SLC8A1: variants seen among roughly 807,000 people sequenced by gnomAD.
The protein encoded by SLC8A1 is sodium/calcium exchanger 1.
Under a neutral mutation model 68.3 loss-of-function variants are expected in SLC8A1, and 18 were observed. That is an observed-to-expected ratio of 0.26 (90% CI 0.18 to 0.39). The LOEUF (loss-of-function observed/expected upper bound fraction) is 0.39, where lower values mean the gene tolerates loss of function less well. Ranked by LOEUF, SLC8A1 falls within the 10% of genes least tolerant of loss-of-function variation. The pLI, the probability that SLC8A1 is intolerant of heterozygous loss-of-function variation, is 1.00. For missense variants in SLC8A1, 985 were observed against 1,156.7 expected, an observed-to-expected ratio of 0.85 and a Z score of 2.15; for synonymous variants, 475 against 415.5, an observed-to-expected ratio of 1.14 and a Z score of -1.74.
chr2:40,504,158 A>G (rs1050696740), intron 1 of SLC8A1, among the ~76,000 whole-genome samples: 1 of 152,050 alleles, frequency 6.6e-6, no homozygotes. Context: ...CCACACACCT[A>G]TAGATAGTGA....
At chr2:40,326,298 T>C (rs2075818558) in intron 2 of SLC8A1, among the ~76,000 whole-genome samples, 1 of 152,112 alleles carries the variant, frequency 6.6e-6, no homozygotes. Flanking sequence ...CTCCTACTTT[T>C]GGTACAGTGC....
At chr2:40,205,734 C>A (rs1184630723) in intron 2 of SLC8A1, among the ~76,000 whole-genome samples, 1 of 143,364 alleles carries the variant, frequency 7.0e-6, no homozygotes, top group African/African-American at 2.6e-5. Context: ...ATAATCTGTA[C>A]AATAAATCTC....
intron 1 of SLC8A1, among the ~76,000 whole-genome samples, chr2:40,431,883 G>C (rs947419404): frequency 1.3e-5 from 2 of 152,072 alleles, no homozygotes; most frequent in Non-Finnish European, 2.9e-5. Context: ...GACCCTGAGA[G>C]ATCCCACCAT....
chr2:40,337,958 G>A (rs1345859532), intron 2 of SLC8A1, among the ~76,000 whole-genome samples: 1 of 152,156 alleles, frequency 6.6e-6, no homozygotes, highest in Non-Finnish European at 1.5e-5. Flanking sequence ...AGAGGAAAGG[G>A]TGTTGAGGCA....
chr2:40,111,455 C>G (rs986279145), exon 8 of SLC8A1: 26 of 151,932 alleles, frequency 1.7e-4, no homozygotes, highest in African/African-American at 6.0e-4. Flanking sequence ...CACATATGAC[C>G]ATATAAAGAA....
intron 2 of SLC8A1, among the ~76,000 whole-genome samples, chr2:40,279,662 T>C (rs1385987032): frequency 1.3e-5 from 2 of 152,356 alleles, no homozygotes; most frequent in East Asian, 3.9e-4. Flanking sequence ...AAGTGTGCTC[T>C]GGAAATCCTA....
chr2:40,237,637 G>A (rs376640017), intron 2 of SLC8A1, among the ~76,000 whole-genome samples: 206 of 152,094 alleles, frequency 1.4e-3, no homozygotes, highest in African/African-American at 3.0e-3. Context: ...GCTTTGTTCC[G>A]TTGCTGGTGA....
intron 2 of SLC8A1, among the ~76,000 whole-genome samples, chr2:40,342,982 A>G (rs2149414827): frequency 6.6e-6 from 1 of 152,300 alleles, no homozygotes; most frequent in East Asian, 1.9e-4. Context: ...GATTCCAGTC[A>G]TAATCTGAAA....
chr2:40,176,724 T>C lies in SLC8A1; in HGVS notation c.1912+1028A>G, dbSNP rs2048536108. Among the ~76,000 whole-genome samples the C allele has an allele frequency of 2.0e-5, 3 of 152,330 alleles. No homozygotes were observed. The South Asian group carries it at 6.2e-4, about 32-fold the overall frequency. The stretch of plus-strand genomic sequence containing the variant: ...CAATTAGTCCTATATATTTTATTTT[T>C]CCCTCTACTTGTAAAAGCATAAATT... On this transcript the variant is annotated intron_variant, in intron 3 of 7. Transcript: ENST00000406785.
chr2:40,295,583 G>C (rs1019179779), intron 2 of SLC8A1, among the ~76,000 whole-genome samples: 1 of 152,096 alleles, frequency 6.6e-6, no homozygotes, highest in African/African-American at 2.4e-5. Context: ...CATACAGAAA[G>C]TCATTTATGT....
intron 2 of SLC8A1, among the ~76,000 whole-genome samples, chr2:40,371,383 G>T (rs1677995386): frequency 6.6e-6 from 1 of 152,018 alleles, no homozygotes; most frequent in African/African-American, 2.4e-5. Flanking sequence ...AGAGGCCAGG[G>T]GCAGTCCTGT....
intron 2 of SLC8A1, among the ~76,000 whole-genome samples, chr2:40,284,114 C>A (rs763178204): frequency 6.6e-6 from 1 of 151,932 alleles, no homozygotes; most frequent in African/African-American, 2.4e-5. Flanking sequence ...GTCTTGCACA[C>A]GAATTACATT....
At chr2:40,481,938 A>G (rs546804805) in intron 1 of SLC8A1, among the ~76,000 whole-genome samples, 16 of 152,320 alleles carry the variant, frequency 1.1e-4, no homozygotes, top group Non-Finnish European at 1.8e-4. Flanking sequence ...TGGAAGAGAT[A>G]TTAGAGAATA....
chr2:40,239,735 A>C (rs887602870), intron 2 of SLC8A1, among the ~76,000 whole-genome samples: 31 of 152,234 alleles, frequency 2.0e-4, no homozygotes, highest in African/African-American at 7.2e-4. Context: ...AAGGAAAGAA[A>C]TCAAATTCTG....
At chr2:40,325,374 C>T (rs1017935540) in intron 2 of SLC8A1, among the ~76,000 whole-genome samples, 8 of 152,182 alleles carry the variant, frequency 5.3e-5, no homozygotes, top group Non-Finnish European at 1.0e-4. Context: ...CAGGGAGCTG[C>T]TTTTCCCTTG....
intron 4 of SLC8A1, among the ~76,000 whole-genome samples, chr2:40,173,960 A>G (rs949205859): frequency 6.6e-6 from 1 of 152,196 alleles, no homozygotes; most frequent in Non-Finnish European, 1.5e-5. Flanking sequence ...ACACAAGAAT[A>G]TAGTTTTAGA....
At chr2:40,208,972 A>C (rs1209657017) in intron 2 of SLC8A1, 1 of 152,186 alleles carries the variant, frequency 6.6e-6, no homozygotes, top group Admixed American at 6.5e-5. Context: ...TTACAAATTC[A>C]GTAATTATTT....
intron 2 of SLC8A1, among the ~76,000 whole-genome samples, chr2:40,260,611 T>C (rs947981110): frequency 2.6e-5 from 4 of 152,048 alleles, no homozygotes; most frequent in African/African-American, 9.7e-5. Context: ...GGAGAGGTAA[T>C]AGGAATTCAA....
chr2:40,294,378 A>G (rs922588825), intron 2 of SLC8A1, among the ~76,000 whole-genome samples: 1 of 152,132 alleles, frequency 6.6e-6, no homozygotes, highest in African/African-American at 2.4e-5. Flanking sequence ...TACTTTCCCT[A>G]CTTTAAAGAT....
Sources: gnomAD v4.1 joint callset for allele counts (sites outside exome capture counted in the v4.1 genomes callset) on GRCh38, gnomAD v4.1.1 for gene constraint, MANE v1.5 for transcripts, NCBI Gene and HGNC (gene_info 2026-07-23, HGNC 2026-07-21) for gene names.